TNK2: variants seen among roughly 807,000 people sequenced by gnomAD.
TNK2 encodes the protein tyrosine kinase non receptor 2, also known as activated CDC42 kinase 1.
In TNK2, 83 loss-of-function variants were observed where a neutral mutation model predicts 101.8. That is an observed-to-expected ratio of 0.82 (90% CI 0.68 to 0.98). The LOEUF (loss-of-function observed/expected upper bound fraction) is 0.98. TNK2 is among the 50% of genes least tolerant of loss of function. The pLI is 0.00. For missense variants in TNK2, 1,665 were observed against 1,483.2 expected, an observed-to-expected ratio of 1.12 and a Z score of -2.01; for synonymous variants, 804 against 633.0, an observed-to-expected ratio of 1.27 and a Z score of -4.06.
rs767688934 is a variant in TNK2 at position 195,886,995 on chromosome 3, GC to G, written c.215del (p.Arg72ProfsTer5). The G allele has an allele frequency of 1.2e-6, 2 of 1,600,836 alleles. No individual in the cohort carries two copies. Among genetic ancestry groups the G allele is most frequent in the South Asian group, 1.1e-5 (1 of 90,916 alleles). On this transcript the variant is annotated frameshift_variant, in exon 3 of 16. Transcript: ENST00000672887. LOFTEE classifies it high-confidence loss of function. The surrounding 1 kb of genome is among the most constrained non-coding windows in gnomAD (Gnocchi z 4.2). ...CACCCACCTTACTCATCCACGACTT[GC>G]GTTTGCACAAGGCCTTCCTCCTCTT... is the stretch of plus-strand genomic sequence containing the variant. Reference protein sequence around the residue: ...AVKRRKALCKRKSWMSKVFSG... With the variant: ...AVKRRKALCKXKSWMSKVFSG...
Position 195,885,673 on chromosome 3 carries a change from G to T in TNK2, c.235-640C>A. ...GGTCTCTGGAGGGGCGCCTAGAGCT[G>T]AGGGCTGAGACGGAAGGAAAAGTGG... On this transcript the variant is annotated intron_variant, in intron 3 of 15. Coordinates refer to ENST00000672887, the MANE Select transcript of TNK2 (RefSeq NM_001382273.1). This position sits in a 1 kb window ranked among gnomAD's most constrained non-coding sequence, Gnocchi z 4.7. 9.8e-7 allele frequency: 1 copy of T among 1,023,522 alleles called. No individual in the cohort carries two copies. The highest frequency in any genetic ancestry group is 1.3e-6 in the Non-Finnish European group (1 of 751,986). The allele number at this position is 1,023,522 out of a possible 1,614,324, so 63.4% of individuals were successfully genotyped here.
chr3:195,866,851 T>C lies in TNK2; in HGVS notation c.3161+38A>G, dbSNP rs146238089. 1,912 of 1,598,304 alleles carry C rather than the reference T, an allele frequency of 1.2e-3. 21 individuals are homozygous for C. In the African/African-American group the frequency reaches 0.019, roughly 16 times the overall value. ...GTGGCAGGCTCTGGGACAGCCCTCC[T>C]GGGGCACGGAGCGGGGCAGACTGTG... On this transcript the variant is annotated intron_variant, in intron 15 of 15. Transcript: ENST00000672887.
At chr3:195,872,203 C>T in intron 10 of TNK2, 73 bp downstream of exon 10, 1 of 1,535,440 alleles carries the variant, frequency 6.5e-7, no homozygotes, top group Non-Finnish European at 8.9e-7. Context: ...AGATTCCGCC[C>T]ACGCGTGCCG....
chr3:195,870,526 C>T (rs1744381318), intron 10 of TNK2: 3 of 646,440 alleles, frequency 4.6e-6, no homozygotes, highest in Middle Eastern at 5.6e-4. Context: ...AGAGGGCAGA[C>T]ACTCCTGTCC....
Position 195,867,592 on chromosome 3 carries a change from G to A in TNK2, c.2706C>T (p.Pro902=), listed in dbSNP as rs201997906. ...REAQSPEEPT[P]LPVPLLLPPP... ...GGGGCAGCAGCAGAGGCACAGGCAG[G>A]GGGGTAGGCTCCTCGGGGCTCTGGG... The change falls in exon 13 of 16, where the codon CCC becomes CCT. Residue 902 remains proline, a synonymous_variant. Coordinates refer to ENST00000672887, the MANE Select transcript of TNK2 (RefSeq NM_001382273.1). 23 of 1,592,066 alleles carry A rather than the reference G, an allele frequency of 1.4e-5. No individual in the cohort carries two copies. In the Admixed American group the frequency reaches 2.5e-4, roughly 18 times the overall value.
chr3:195,887,105 G>A (rs1756012568), intron 2 of TNK2, 58 bp from the exon 3 acceptor site: 1 of 1,572,536 alleles, frequency 6.4e-7, no homozygotes, highest in Non-Finnish European at 8.7e-7. Context: ...GAGAGAGGCT[G>A]CTGCCTGTGG....
rs1316567305 is a variant in TNK2, at chr3:195,882,583, C to T, written c.610-255G>A. ...CTAGAAATTCCAAAACTCAGCTGGACGTGGTGGCTCACGCCTGTAATCCCA... is the reference window on the plus strand; with the variant it reads ...CTAGAAATTCCAAAACTCAGCTGGATGTGGTGGCTCACGCCTGTAATCCCA... On this transcript the variant is annotated intron_variant, in intron 5 of 15. Transcript: ENST00000672887. The surrounding 1 kb of genome is among the most constrained non-coding windows in gnomAD (Gnocchi z 4.2). The T allele has an allele frequency of 1.6e-5, 23 of 1,462,280 alleles. No homozygotes were observed. The highest frequency in any genetic ancestry group is 6.1e-5 in the South Asian group (5 of 82,204). The allele number at this position is 1,462,280 out of a possible 1,614,324, so 90.6% of individuals were successfully genotyped here.
chr3:195,879,666 T>C (rs1577052002), intron 6 of TNK2, among the ~76,000 whole-genome samples: 1 of 152,282 alleles, frequency 6.6e-6, no homozygotes, highest in African/African-American at 2.4e-5. Flanking sequence ...CCATTCGTTC[T>C]GGGCACCCCC....
rs1182053909 is a variant in TNK2 at position 195,878,880 on chromosome 3, G to C, written c.1014+169C>G. Reference sequence around the variant, plus strand: ...CTCCCTGAGGCCATACAGATACGGGGCGTGAGAGGAGACACGGGGCGTGGT... The same window carrying C: ...CTCCCTGAGGCCATACAGATACGGGCCGTGAGAGGAGACACGGGGCGTGGT... On this transcript the variant is annotated intron_variant, in intron 7 of 15. Coordinates refer to ENST00000672887, the MANE Select transcript of TNK2 (RefSeq NM_001382273.1). This position sits in a 1 kb window ranked among gnomAD's most constrained non-coding sequence, Gnocchi z 4.7. 6.6e-6 allele frequency among the ~76,000 whole-genome samples: 1 copy of C among 152,214 alleles called. No homozygotes were observed. The highest frequency in any genetic ancestry group is 2.4e-5 in the African/African-American group (1 of 41,452).
In TNK2 at chr3:195,888,078, C is replaced by G. The variant is rs1756905540; in HGVS notation, c.163+348G>C. On this transcript the variant is annotated intron_variant, in intron 2 of 15. Transcript: ENST00000672887. The surrounding 1 kb of genome is among the most constrained non-coding windows in gnomAD (Gnocchi z 5.3). ...GAGAGTTAGCGTTCTCCCTACAGAT[C>G]TCTGCACATGGACCCCCCGGTAGTC... Among the ~76,000 whole-genome samples, 3 of 152,082 alleles carry G rather than the reference C, an allele frequency of 2.0e-5. No homozygotes were observed.
intron 11 of TNK2, 87 bp downstream of exon 11, chr3:195,870,027 C>G: frequency 4.6e-6 from 5 of 1,081,034 alleles, no homozygotes; most frequent in Non-Finnish European, 6.5e-6. Flanking sequence ...AAAAACAGAA[C>G]AGCAGCCTTA....
Position 195,868,359 on chromosome 3 carries a change from G to C in TNK2, c.1939C>G (p.Pro647Ala), listed in dbSNP as rs778803763. 2 of 1,598,456 alleles carry C rather than the reference G, an allele frequency of 1.3e-6. No individual in the cohort carries two copies. Among genetic ancestry groups the C allele is most frequent in the East Asian group, 4.5e-5 (2 of 44,798 alleles). Residue 647 changes from proline (P) to alanine (A), a missense_variant, in exon 13 of 16, where the codon CCG becomes GCG. Around this residue, in one of 3 missense-constraint regions of TNK2, gnomAD observed 1,136 missense variants for 894.9 expected, o/e 1.27. Coordinates refer to ENST00000672887, the MANE Select transcript of TNK2 (RefSeq NM_001382273.1). ...VDWDARPLPP[P>A]PAYDDVAQDE... Reference sequence around the variant, plus strand: ...TGGGCCACGTCGTCATAGGCGGGCGGGGGGGGCAGCGGGCGTGCGTCCCAG... The same window carrying C: ...TGGGCCACGTCGTCATAGGCGGGCGCGGGGGGCAGCGGGCGTGCGTCCCAG...
In TNK2 at chr3:195,867,841, T is replaced by G; in HGVS notation, c.2457A>C (p.Pro819=). ...TCCCAGGTGAGCTTGAGAGCCGGGGTGGCAGCGGGGAGCTGCCAGGTGGTA... is the reference window on the plus strand; with the variant it reads ...TCCCAGGTGAGCTTGAGAGCCGGGGGGGCAGCGGGGAGCTGCCAGGTGGTA... The part of the protein sequence containing the change: ...PLVPPGSSPL[P]PRLSSSPGKT... Residue 819 remains proline (P), a synonymous_variant, in exon 13 of 16, where the codon CCA becomes CCC. Coordinates refer to ENST00000672887, the MANE Select transcript of TNK2 (RefSeq NM_001382273.1). 6.5e-7 allele frequency: 1 copy of G among 1,532,932 alleles called. No individual in the cohort carries two copies. Among genetic ancestry groups the G allele is most frequent in the Non-Finnish European group, 8.7e-7 (1 of 1,144,720 alleles). The allele number at this position is 1,532,932 out of a possible 1,614,324, so 95.0% of individuals were successfully genotyped here.
chr3:195,867,970 C>CG lies in TNK2; in HGVS notation c.2327dup (p.Glu778ArgfsTer116), dbSNP rs762572016. On this transcript the variant is annotated frameshift_variant, in exon 13 of 16. Coordinates refer to ENST00000672887, the MANE Select transcript of TNK2 (RefSeq NM_001382273.1). LOFTEE classifies it high-confidence loss of function. The stretch of plus-strand genomic sequence containing the variant: ...GCCACTGGCTGGTCTCCTCCTCGCC[C>CG]GGGGGGGCTGGAGACAGCTGGACGT... The CG allele has an allele frequency of 3.4e-5, 52 of 1,541,546 alleles. No homozygotes were observed. The highest frequency in any genetic ancestry group is 1.4e-4 in the Admixed American group (6 of 44,272).
Position 195,885,251 on chromosome 3 carries a change from G to T in TNK2, c.235-218C>A. The T allele has an allele frequency of 9.2e-7, 1 of 1,084,166 alleles. No individual in the cohort carries two copies. The highest frequency in any genetic ancestry group is 1.3e-6 in the Non-Finnish European group (1 of 780,236). 67.2% of individuals were successfully genotyped at this position (1,084,166 alleles called of 1,614,324 possible). A position where few individuals can be genotyped will look rare whatever the true frequency, so the allele number is the denominator to read the frequency against. ...AAAGCCTGATGCTGGCCTCAAGGAGGGTGCCAGAAAGAGACCGACAGGCAT... is the reference window on the plus strand; with the variant it reads ...AAAGCCTGATGCTGGCCTCAAGGAGTGTGCCAGAAAGAGACCGACAGGCAT... On this transcript the variant is annotated intron_variant, in intron 3 of 15. Coordinates refer to ENST00000672887, the MANE Select transcript of TNK2 (RefSeq NM_001382273.1). This position sits in a 1 kb window ranked among gnomAD's most constrained non-coding sequence, Gnocchi z 4.7.
intron 1 of TNK2, 168 bp downstream of exon 1, chr3:195,908,317 G>A (rs1761961524): frequency 6.5e-6 from 1 of 152,684 alleles, no homozygotes; most frequent in African/African-American, 2.4e-5. Flanking sequence ...ACACAGTACT[G>A]GCGGGGGAGA....
intron 1 of TNK2, among the ~76,000 whole-genome samples, chr3:195,906,913 C>G (rs1761783933): frequency 6.6e-6 from 1 of 152,134 alleles, no homozygotes; most frequent in South Asian, 2.1e-4. Context: ...GGGCACCAGG[C>G]TCCAAAGGGC....
intron 15 of TNK2, 92 bp from the exon 16 acceptor site, chr3:195,864,279 C>A (rs1356859259): frequency 3.4e-6 from 5 of 1,465,934 alleles, no homozygotes; most frequent in South Asian, 1.2e-5. Context: ...CAGGCAACAC[C>A]ACTGGAAGCT....
At chr3:195,905,693 T>C (rs1007017367) in intron 1 of TNK2, among the ~76,000 whole-genome samples, 1 of 152,118 alleles carries the variant, frequency 6.6e-6, no homozygotes, top group African/African-American at 2.4e-5. Flanking sequence ...ATAAAATGTC[T>C]ACAAGAAAAT....
Sources: allele counts gnomAD v4.1 joint callset (sites outside exome capture counted in the v4.1 genomes callset), GRCh38; gene constraint gnomAD v4.1.1; regional missense constraint gnomAD v4.1.1; non-coding constraint Gnocchi (gnomAD v3.1); transcripts MANE v1.5; gene names NCBI Gene and HGNC (gene_info 2026-07-23, HGNC 2026-07-21).